TACR1: variants seen among roughly 807,000 people sequenced by gnomAD.
The protein encoded by TACR1 is tachykinin receptor 1.
In TACR1, 25 loss-of-function variants were observed where a neutral mutation model predicts 35.8. The ratio of observed to expected loss-of-function variants is 0.70; its 90% CI spans 0.51 to 0.98. The LOEUF is 0.98. Ranked by LOEUF, TACR1 falls within the 50% of genes least tolerant of loss-of-function variation. TACR1 has a pLI of 0.00. For missense variants in TACR1, 478 were observed against 522.9 expected (o/e 0.91, Z 0.84); for synonymous variants, 195 against 206.7 (o/e 0.94, Z 0.48).
At chr2:75,072,952 G>T (rs535318436) in intron 2 of TACR1, among the ~76,000 whole-genome samples, 49 of 145,380 alleles carry the variant, frequency 3.4e-4, no homozygotes, top group Non-Finnish European at 6.3e-4. Context: ...AAACTAAGCT[G>T]AGCTAAACTA....
chr2:75,199,180 T>G lies in TACR1; in HGVS notation c.-246A>C. On this transcript the variant is annotated 5_prime_UTR_variant, in exon 1 of 5. Coordinates refer to ENST00000305249, the MANE Select transcript of TACR1 (RefSeq NM_001058.4). The stretch of plus-strand genomic sequence containing the variant: ...TTTCAAGCTTCAGGAGACGTTTGAG[T>G]TCAGAAGTCTGGAGACAGCATCTCT... The G allele has an allele frequency of 2.0e-6, 1 of 504,686 alleles. No homozygotes were observed. The highest frequency in any genetic ancestry group is 3.2e-5 in the East Asian group (1 of 30,910). The allele number at this position is 504,686 out of a possible 1,614,324, so 31.3% of individuals were successfully genotyped here.
chr2:75,109,976 A>G (rs1364913246), intron 2 of TACR1, among the ~76,000 whole-genome samples: 2 of 152,188 alleles, frequency 1.3e-5, no homozygotes, highest in East Asian at 3.8e-4. Context: ...CCTGAACTAG[A>G]GATCTGACTT....
At chr2:75,070,233 A>G (rs28485192) in intron 2 of TACR1, among the ~76,000 whole-genome samples, 137 of 90,086 alleles carry the variant, frequency 1.5e-3, no homozygotes, top group African/African-American at 5.1e-3. Context: ...GTGTGTGTGT[A>G]TGTGTGTGTG....
chr2:75,186,644 T>C (rs1261512111), intron 1 of TACR1, among the ~76,000 whole-genome samples: 1 of 145,094 alleles, frequency 6.9e-6, no homozygotes, highest in Non-Finnish European at 1.5e-5. Flanking sequence ...TTATTTTTCT[T>C]AAAAAAAAAA....
At chr2:75,168,466 G>A (rs1407295604) in intron 1 of TACR1, among the ~76,000 whole-genome samples, 1 of 152,228 alleles carries the variant, frequency 6.6e-6, no homozygotes, top group Non-Finnish European at 1.5e-5. Flanking sequence ...TGGTCACAAA[G>A]ATGCTGTGTT....
intron 2 of TACR1, among the ~76,000 whole-genome samples, chr2:75,115,055 A>C (rs73935540): frequency 0.035 from 5,302 of 150,886 alleles, 295 homozygotes; most frequent in African/African-American, 0.12. Context: ...GAAGTAATAA[A>C]TTTTCAAAGG....
intron 2 of TACR1, among the ~76,000 whole-genome samples, chr2:75,065,161 C>T (rs906325857): frequency 6.6e-6 from 1 of 152,198 alleles, no homozygotes; most frequent in Non-Finnish European, 1.5e-5. Context: ...CTGGACCAAC[C>T]AGTATTCATT....
At chr2:75,101,142 A>C (rs1204774689) in intron 2 of TACR1, among the ~76,000 whole-genome samples, 3 of 152,198 alleles carry the variant, frequency 2.0e-5, no homozygotes, top group African/African-American at 7.2e-5. Flanking sequence ...TATTTTAGAA[A>C]AAGGAAAACA....
chr2:75,165,562 C>A (rs1675120474), intron 1 of TACR1, among the ~76,000 whole-genome samples: 1 of 151,962 alleles, frequency 6.6e-6, no homozygotes, highest in Admixed American at 6.6e-5. Context: ...CCTGCCTCAG[C>A]CTCCCAAAGT....
At chr2:75,076,815 G>A (rs1487806099) in intron 2 of TACR1, among the ~76,000 whole-genome samples, 3 of 152,034 alleles carry the variant, frequency 2.0e-5, no homozygotes, top group Admixed American at 1.3e-4. Context: ...TCGCATCTTC[G>A]GTAAGGCCTG....
chr2:75,070,233 A>ATG (rs758460934), intron 2 of TACR1, among the ~76,000 whole-genome samples: 2,997 of 90,110 alleles, frequency 0.033, 46 homozygotes, highest in African/African-American at 0.13. Context: ...GTGTGTGTGT[A>ATG]TGTGTGTGTG....
chr2:75,074,863 G>C (rs1023394467), intron 2 of TACR1, among the ~76,000 whole-genome samples: 10 of 152,070 alleles, frequency 6.6e-5, no homozygotes, highest in African/African-American at 1.9e-4. Context: ...AGCGTGGGTT[G>C]GTAACCAGCT....
intron 4 of TACR1, among the ~76,000 whole-genome samples, chr2:75,050,045 C>T (rs771636604): frequency 3.3e-5 from 5 of 152,204 alleles, no homozygotes; most frequent in Non-Finnish European, 7.3e-5. Context: ...CTCAACAAAA[C>T]GCATTCACCA....
At chr2:75,119,245 C>T (rs1413802479) in intron 2 of TACR1, among the ~76,000 whole-genome samples, 1 of 152,158 alleles carries the variant, frequency 6.6e-6, no homozygotes, top group African/African-American at 2.4e-5. Context: ...CATTTAGTAG[C>T]TTACAAGGTG....
In TACR1 at chr2:75,120,738, G is replaced by A. The variant is rs745728297; in HGVS notation, c.420C>T (p.Pro140=). The change falls in exon 2 of 5, where the codon CCC becomes CCT. Residue 140 remains proline, a synonymous_variant. Coordinates refer to ENST00000305249, the MANE Select transcript of TACR1 (RefSeq NM_001058.4). ...RYMAIIHPLQ[P]RLSATATKVV... is the part of the protein sequence containing the mutation. ...CTTTGGTGGCTGTGGCTGACAGCCG[G>A]GGCTGGAGGGGATGTATGATGGCCA... The A allele has an allele frequency of 2.5e-6, 4 of 1,613,204 alleles. No homozygotes were observed. The East Asian group carries it at 8.9e-5, about 36-fold the overall frequency.
intron 1 of TACR1, among the ~76,000 whole-genome samples, chr2:75,190,825 G>A: frequency 6.6e-6 from 1 of 152,160 alleles, no homozygotes; most frequent in East Asian, 1.9e-4. Context: ...CCAAAGGCTA[G>A]GAGTAAGTTT....
chr2:75,114,852 A>G (rs949120310), intron 2 of TACR1, among the ~76,000 whole-genome samples: 3 of 152,220 alleles, frequency 2.0e-5, no homozygotes, highest in Non-Finnish European at 4.4e-5. Context: ...TATTATATTA[A>G]TGATGAGCCT....
intron 4 of TACR1, among the ~76,000 whole-genome samples, chr2:75,050,583 T>C (rs1448226981): frequency 6.6e-6 from 1 of 152,180 alleles, no homozygotes; most frequent in Non-Finnish European, 1.5e-5. Context: ...TGACCACCAT[T>C]CTGGATGGGC....
At chr2:75,081,924 T>C (rs1198129293) in intron 2 of TACR1, among the ~76,000 whole-genome samples, 1 of 151,304 alleles carries the variant, frequency 6.6e-6, no homozygotes, top group Non-Finnish European at 1.5e-5. Flanking sequence ...AATATATATA[T>C]GTATTTTTTA....
Sources: allele counts gnomAD v4.1 joint callset (sites outside exome capture counted in the v4.1 genomes callset), GRCh38; gene constraint gnomAD v4.1.1; transcripts MANE v1.5; gene names NCBI Gene and HGNC (gene_info 2026-07-23, HGNC 2026-07-21).